The following DPH6 variants were observed in gnomAD, a reference collection of about 807,000 sequenced individuals.
The protein encoded by DPH6 is diphthamine biosynthesis 6.
A neutral mutation model predicts 38.2 loss-of-function variants in DPH6; 33 were observed. That is an observed-to-expected ratio of 0.86 (90% CI 0.65 to 1.15). The LOEUF is 1.15. Among genes scored for constraint, DPH6 ranks in the 50% most tolerant of loss-of-function variants. The probability of loss-of-function intolerance (pLI) is 0.00; values close to 1 mark genes in which losing one functional copy is unlikely to be tolerated. For synonymous variants in DPH6, 108 were observed against 103.0 expected (o/e 1.05, Z -0.30); for missense variants, 325 against 320.0 (o/e 1.02, Z -0.12).
chr15:35,443,499 T>C (rs1410021000), intron 5 of DPH6, among the ~76,000 whole-genome samples: 1 of 152,140 alleles, frequency 6.6e-6, no homozygotes, highest in Admixed American at 6.6e-5. Flanking sequence ...AAGAGGCAGC[T>C]GTTGTCCCTT....
At chr15:35,463,150 G>GT (rs2054086337) in intron 3 of DPH6, among the ~76,000 whole-genome samples, 1 of 152,048 alleles carries the variant, frequency 6.6e-6, no homozygotes, top group Non-Finnish European at 1.5e-5. Flanking sequence ...GTATGTGCGT[G>GT]TGTGTGTGTA....
intron 3 of DPH6, among the ~76,000 whole-genome samples, chr15:35,289,102 T>C (rs781596446): frequency 3.9e-5 from 6 of 152,340 alleles, no homozygotes; most frequent in Non-Finnish European, 7.3e-5. Context: ...TTATCATTTC[T>C]ATGATAAAAG....
At chr15:35,362,291 C>G (rs1022742048) in intron 3 of DPH6, among the ~76,000 whole-genome samples, 1 of 152,196 alleles carries the variant, frequency 6.6e-6, no homozygotes, top group African/African-American at 2.4e-5. Context: ...CCACTGAGCT[C>G]TCTTTGCAGC....
chr15:35,546,098 G>A (rs1159940750), intron 1 of DPH6, 21 bp downstream of exon 1: 2 of 1,384,804 alleles, frequency 1.4e-6, no homozygotes, highest in Non-Finnish European at 1.9e-6. Context: ...GAGGAAGGAG[G>A]CGGCTCCAGG....
the DPH6 span, among the ~76,000 whole-genome samples, chr15:35,205,571 A>G: frequency 6.6e-6 from 1 of 152,096 alleles, no homozygotes; most frequent in Non-Finnish European, 1.5e-5. Flanking sequence ...ATCAAAATTT[A>G]GTATAGAGTT....
chr15:35,491,766 T>A (rs894783477), intron 3 of DPH6, among the ~76,000 whole-genome samples: 5 of 150,738 alleles, frequency 3.3e-5, no homozygotes, highest in African/African-American at 1.2e-4. Context: ...TATACACATA[T>A]AAATATATGT....
Position 35,360,297 on chromosome 15 carries a change from C to T in DPH6, n.207+13224G>A, listed in dbSNP as rs181449367. Among the ~76,000 whole-genome samples, 69 of 152,190 alleles carry T rather than the reference C, an allele frequency of 4.5e-4. 1 individual carries two copies. Among genetic ancestry groups the T allele is most frequent in the African/African-American group, 1.5e-3 (62 of 41,518 alleles). On this transcript the variant is annotated intron_variant and non_coding_transcript_variant, in intron 3 of 3. Coordinates refer to the DPH6 transcript ENST00000558973. ...TACACAGTTGAAGGGCCTGTTACTGCGGGCACAGGTGGGCACAATTCCTGC... is the reference window on the plus strand; with the variant it reads ...TACACAGTTGAAGGGCCTGTTACTGTGGGCACAGGTGGGCACAATTCCTGC...
rs554495870 is a variant in DPH6, at chr15:35,323,411, C to T, written n.200+50110G>A. Among the ~76,000 whole-genome samples, 7 of 150,918 alleles carry T rather than the reference C, an allele frequency of 4.6e-5. No homozygotes were observed. The East Asian group carries it at 7.8e-4, about 17-fold the overall frequency. On this transcript the variant is annotated intron_variant and non_coding_transcript_variant, in intron 3 of 3. Transcript: ENST00000560386. The stretch of plus-strand genomic sequence containing the variant: ...GAAGGAGGGGAAAACATTTTGTTTC[C>T]TTTTTTTTTCTTAAGGTATTTTTAT...
At chr15:35,210,876 G>T in the DPH6 span, among the ~76,000 whole-genome samples, 1 of 143,980 alleles carries the variant, frequency 6.9e-6, no homozygotes, top group African/African-American at 2.6e-5. Flanking sequence ...AGTTGAAAAT[G>T]AATTTGCATC....
the DPH6 span, among the ~76,000 whole-genome samples, chr15:35,190,711 G>C: frequency 6.6e-6 from 1 of 152,174 alleles, no homozygotes; most frequent in East Asian, 1.9e-4. Flanking sequence ...GCAAGAAGGG[G>C]GTTTATTTTG....
intron 3 of DPH6, among the ~76,000 whole-genome samples, chr15:35,273,082 A>G (rs1241329000): frequency 6.6e-6 from 1 of 152,056 alleles, no homozygotes; most frequent in Non-Finnish European, 1.5e-5. Flanking sequence ...CTGCAGAACC[A>G]AGAGCCAATT....
intron 5 of DPH6, among the ~76,000 whole-genome samples, chr15:35,437,527 C>G (rs529607338): frequency 1.3e-5 from 2 of 152,302 alleles, no homozygotes; most frequent in Admixed American, 6.5e-5. Context: ...TTTGGCCTCC[C>G]TCTCCTGGTG....
chr15:35,375,178 T>A (rs549558134), intron 7 of DPH6, among the ~76,000 whole-genome samples: 5 of 152,128 alleles, frequency 3.3e-5, no homozygotes, highest in African/African-American at 1.2e-4. Flanking sequence ...CCTTCTCATG[T>A]CAGTTATCAC....
chr15:35,191,471 GATATA>G, the DPH6 span, among the ~76,000 whole-genome samples: 4 of 152,126 alleles, frequency 2.6e-5, no homozygotes, highest in African/African-American at 9.7e-5. Context: ...TTTCACAAAT[GATATA>G]ATCAAAGACT....
intron 3 of DPH6, among the ~76,000 whole-genome samples, chr15:35,270,917 A>G (rs1180420526): frequency 6.6e-6 from 1 of 152,230 alleles, no homozygotes; most frequent in African/African-American, 2.4e-5. Context: ...CTCAGTACAC[A>G]GACACAGAGA....
intron 3 of DPH6, among the ~76,000 whole-genome samples, chr15:35,496,972 C>G (rs2054566846): frequency 6.6e-6 from 1 of 152,058 alleles, no homozygotes; most frequent in Admixed American, 6.6e-5. Context: ...TTGGAGAAAC[C>G]TCTTACACTG....
At chr15:35,262,566 C>A (rs765137193) in intron 3 of DPH6, among the ~76,000 whole-genome samples, 1 of 151,812 alleles carries the variant, frequency 6.6e-6, no homozygotes, top group Non-Finnish European at 1.5e-5. Flanking sequence ...ATTAGCTGGG[C>A]GTGGTGGCGG....
chr15:35,271,068 T>C (rs117342127), intron 3 of DPH6, among the ~76,000 whole-genome samples: 3,240 of 152,292 alleles, frequency 0.021, 45 homozygotes, highest in Non-Finnish European at 0.034. Context: ...AGGTAGGGTA[T>C]AAATACGTCC....
At chr15:35,169,752 T>A in the DPH6 span, 4 of 152,158 alleles carry the variant, frequency 2.6e-5, no homozygotes, top group Non-Finnish European at 5.9e-5. Flanking sequence ...ACTGTTATTA[T>A]GTTGTTCAGC....
Sources: gnomAD v4.1 joint callset for allele counts (sites outside exome capture counted in the v4.1 genomes callset) on GRCh38, gnomAD v4.1.1 for gene constraint, MANE v1.5 for transcripts, NCBI Gene and HGNC (gene_info 2026-07-23, HGNC 2026-07-21) for gene names.